Variants in GABRB1 observed in about 807,000 individuals in gnomAD.
GABRB1 encodes the protein gamma-aminobutyric acid type A receptor subunit beta1, also known as gamma-aminobutyric acid receptor subunit beta-1.
In GABRB1, 17 loss-of-function variants were observed where a neutral mutation model predicts 51.6. That is an observed-to-expected ratio of 0.33 (90% CI 0.23 to 0.49). The LOEUF (loss-of-function observed/expected upper bound fraction) is 0.49. Ranked by LOEUF, GABRB1 falls within the 20% of genes least tolerant of loss-of-function variation. GABRB1 has a pLI of 0.99. For synonymous variants in GABRB1, 247 were observed against 218.9 expected (o/e 1.13, Z -1.14); for missense variants, 410 against 600.6 (o/e 0.68, Z 3.32).
chr4:47,367,395 A>G (rs559172837), intron 5 of GABRB1, among the ~76,000 whole-genome samples: 1 of 152,236 alleles, frequency 6.6e-6, no homozygotes, highest in South Asian at 2.1e-4. Flanking sequence ...TAAGTAATTT[A>G]TGGCTAAAGT....
At chr4:47,020,822 T>C (rs527330780) in intron 1 of GABRB1, among the ~76,000 whole-genome samples, 2 of 152,320 alleles carry the variant, frequency 1.3e-5, no homozygotes, top group East Asian at 3.9e-4. Context: ...TTATTTTATA[T>C]CAAATCCTTC....
At chr4:47,157,279 G>A (rs746328848) in intron 3 of GABRB1, among the ~76,000 whole-genome samples, 3 of 152,100 alleles carry the variant, frequency 2.0e-5, no homozygotes, top group Admixed American at 6.6e-5. Flanking sequence ...GTTGGCCAAA[G>A]AGCATTAATT....
At chr4:47,128,093 A>G (rs1716246935) in intron 3 of GABRB1, among the ~76,000 whole-genome samples, 1 of 151,930 alleles carries the variant, frequency 6.6e-6, no homozygotes, top group African/African-American at 2.4e-5. Flanking sequence ...TGCCCATAAG[A>G]AATCCATTTT....
At chr4:47,156,222 G>A (rs1401645774) in intron 3 of GABRB1, among the ~76,000 whole-genome samples, 7 of 151,492 alleles carry the variant, frequency 4.6e-5, no homozygotes, top group African/African-American at 7.3e-5. Context: ...ATCCTTTCCA[G>A]TATCCATTAC....
rs548258981 is a variant in GABRB1 at position 47,190,216 on chromosome 4, G to T, written c.461+28747G>T. Among the ~76,000 whole-genome samples, 5 of 152,172 alleles carry T rather than the reference G, an allele frequency of 3.3e-5. No individual in the cohort carries two copies. The South Asian group carries it at 1.0e-3, about 32-fold the overall frequency. ...GAAAATGCAGCTAAAGCCATCATTA[G>T]GAAAATGAATTAAGAAAATAATTGT... is the stretch of plus-strand genomic sequence containing the variant. On this transcript the variant is annotated intron_variant, in intron 4 of 8. Coordinates refer to ENST00000295454, the MANE Select transcript of GABRB1 (RefSeq NM_000812.4).
intron 1 of GABRB1, among the ~76,000 whole-genome samples, chr4:47,025,881 G>A (rs557268496): frequency 7.9e-5 from 12 of 151,174 alleles, no homozygotes; most frequent in Non-Finnish European, 1.5e-5. Context: ...TACTACTTCC[G>A]TTTTTTTTGT....
At chr4:47,000,347 T>G (rs1341827644) in intron 1 of GABRB1, among the ~76,000 whole-genome samples, 1 of 152,222 alleles carries the variant, frequency 6.6e-6, no homozygotes, top group Non-Finnish European at 1.5e-5. Flanking sequence ...GTAAGCTTTA[T>G]CTCATTAAAA....
At chr4:47,232,718 C>T (rs537774997) in intron 4 of GABRB1, among the ~76,000 whole-genome samples, 34 of 152,322 alleles carry the variant, frequency 2.2e-4, no homozygotes, top group African/African-American at 7.9e-4. Context: ...CCTTTCAGAT[C>T]TCTTCATCAG....
chr4:47,288,316 G>A (rs1406755360), intron 4 of GABRB1, among the ~76,000 whole-genome samples: 2 of 151,800 alleles, frequency 1.3e-5, no homozygotes, highest in Non-Finnish European at 2.9e-5. Context: ...AGGCTGGAGT[G>A]CAGTGGCGCG....
intron 5 of GABRB1, among the ~76,000 whole-genome samples, chr4:47,383,696 A>T (rs1289525943): frequency 6.6e-6 from 1 of 152,154 alleles, no homozygotes; most frequent in Non-Finnish European, 1.5e-5. Flanking sequence ...CGGGCATATG[A>T]GCTACCATAC....
intron 4 of GABRB1, among the ~76,000 whole-genome samples, chr4:47,277,030 G>C (rs192309673): frequency 2.0e-5 from 3 of 152,068 alleles, no homozygotes; most frequent in Admixed American, 1.3e-4. Flanking sequence ...ACTTAGATGG[G>C]AAAATTTTAC....
intron 3 of GABRB1, among the ~76,000 whole-genome samples, chr4:47,111,846 G>C (rs1386592342): frequency 1.3e-5 from 2 of 152,054 alleles, no homozygotes; most frequent in African/African-American, 4.8e-5. Context: ...ACCTGGGCGA[G>C]AGTGAGACCC....
upstream of GABRB1, chr4:47,031,526 TG>T: frequency 1.4e-6 from 1 of 728,274 alleles, no homozygotes; most frequent in East Asian, 2.5e-5. Flanking sequence ...AGGCACAAGG[TG>T]TCTTTTGGTA....
chr4:47,217,144 T>C (rs1027051837), intron 4 of GABRB1, among the ~76,000 whole-genome samples: 2 of 151,858 alleles, frequency 1.3e-5, no homozygotes, highest in South Asian at 2.1e-4. Context: ...CCCTTGTTTA[T>C]TGTATACTTA....
At chr4:47,003,672 T>C (rs567993773) in intron 1 of GABRB1, among the ~76,000 whole-genome samples, 3 of 152,290 alleles carry the variant, frequency 2.0e-5, no homozygotes, top group Non-Finnish European at 4.4e-5. Flanking sequence ...CTTTTAAGTA[T>C]GGGAATGAGG....
At chr4:47,327,429 A>T (rs1405699287) in intron 5 of GABRB1, among the ~76,000 whole-genome samples, 1 of 152,198 alleles carries the variant, frequency 6.6e-6, no homozygotes, top group Non-Finnish European at 1.5e-5. Flanking sequence ...GTAAGGAAAG[A>T]TCTAACATTT....
intron 5 of GABRB1, among the ~76,000 whole-genome samples, chr4:47,382,995 C>T (rs1727647105): frequency 6.6e-6 from 1 of 152,210 alleles, no homozygotes; most frequent in South Asian, 2.1e-4. Flanking sequence ...ATGCCTACTA[C>T]AATAACCTCT....
intron 3 of GABRB1, among the ~76,000 whole-genome samples, chr4:47,097,461 C>T (rs1272675961): frequency 6.6e-6 from 1 of 151,800 alleles, no homozygotes; most frequent in African/African-American, 2.4e-5. Context: ...AATTGAAACC[C>T]CCCATTCCCG....
intron 1 of GABRB1, among the ~76,000 whole-genome samples, chr4:47,015,910 T>C (rs1011700083): frequency 1.3e-5 from 2 of 152,218 alleles, no homozygotes; most frequent in South Asian, 4.1e-4. Flanking sequence ...GAAAAAAATA[T>C]ATTCAGCTAA....
Sources: gnomAD v4.1 joint callset for allele counts (sites outside exome capture counted in the v4.1 genomes callset) on GRCh38, gnomAD v4.1.1 for gene constraint, MANE v1.5 for transcripts, NCBI Gene and HGNC (gene_info 2026-07-23, HGNC 2026-07-21) for gene names.